Variants in ATP8B4 observed in about 807,000 individuals in gnomAD.
ATP8B4 encodes the protein probable phospholipid-transporting ATPase IM.
Under a neutral mutation model 145.6 loss-of-function variants are expected in ATP8B4, and 133 were observed. The ratio of observed to expected loss-of-function variants is 0.91; its 90% CI spans 0.79 to 1.05. The LOEUF is 1.05. Among genes scored for constraint, ATP8B4 ranks in the 50% least tolerant of loss-of-function variants. The pLI is 0.00. For synonymous variants in ATP8B4, 507 were observed against 492.9 expected, an observed-to-expected ratio of 1.03 and a Z score of -0.38; for missense variants, 1,458 against 1,425.2, an observed-to-expected ratio of 1.02 and a Z score of -0.37.
At chr15:50,112,531 C>T (rs907127576) in intron 1 of ATP8B4, among the ~76,000 whole-genome samples, 8 of 152,168 alleles carry the variant, frequency 5.3e-5, no homozygotes, top group East Asian at 3.9e-4. Flanking sequence ...TTCTCTGTTC[C>T]GTTCGGCTTG....
chr15:50,105,317 T>A (rs1239143710), intron 2 of ATP8B4, among the ~76,000 whole-genome samples: 1 of 149,538 alleles, frequency 6.7e-6, no homozygotes, highest in Non-Finnish European at 1.5e-5. Context: ...CGTGTTTGTA[T>A]AGAAAAAGAG....
intron 23 of ATP8B4, among the ~76,000 whole-genome samples, chr15:49,885,040 C>T (rs1056336317): frequency 6.6e-6 from 1 of 152,160 alleles, no homozygotes; most frequent in Non-Finnish European, 1.5e-5. Context: ...GGGTTAAAAC[C>T]CTCTAATGGT....
intron 3 of ATP8B4, among the ~76,000 whole-genome samples, chr15:50,070,662 C>T (rs1164324349): frequency 6.6e-6 from 1 of 152,146 alleles, no homozygotes; most frequent in Non-Finnish European, 1.5e-5. Flanking sequence ...TTTCTTTCTC[C>T]ACTTTTGCTG....
chr15:49,881,579 C>T (rs949933553), intron 23 of ATP8B4, among the ~76,000 whole-genome samples: 1 of 152,006 alleles, frequency 6.6e-6, no homozygotes, highest in Non-Finnish European at 1.5e-5. Context: ...GAACCTGCAG[C>T]AGCTACCTGA....
At chr15:50,055,735 T>C (rs780000664) in intron 3 of ATP8B4, among the ~76,000 whole-genome samples, 5 of 152,156 alleles carry the variant, frequency 3.3e-5, no homozygotes, top group Non-Finnish European at 5.9e-5. Flanking sequence ...AGATTATCTC[T>C]AAGCCATAAA....
At chr15:50,100,944 C>T (rs2056317323) in intron 2 of ATP8B4, among the ~76,000 whole-genome samples, 1 of 152,076 alleles carries the variant, frequency 6.6e-6, no homozygotes, top group Non-Finnish European at 1.5e-5. Flanking sequence ...CAATTATGTA[C>T]ACAGTATTTG....
chr15:50,025,723 T>C (rs1446782461), intron 6 of ATP8B4, among the ~76,000 whole-genome samples: 1 of 152,242 alleles, frequency 6.6e-6, no homozygotes, highest in Middle Eastern at 3.2e-3. Context: ...AGCATGGCTA[T>C]TTTATTATCT....
At chr15:49,963,947 C>T (rs1174157788) in intron 13 of ATP8B4, among the ~76,000 whole-genome samples, 1 of 152,086 alleles carries the variant, frequency 6.6e-6, no homozygotes, top group Non-Finnish European at 1.5e-5. Context: ...GTGCCAGGCT[C>T]TTAAATTATC....
chr15:49,945,194 A>G (rs1194419310), intron 14 of ATP8B4, among the ~76,000 whole-genome samples: 1 of 152,152 alleles, frequency 6.6e-6, no homozygotes, highest in Non-Finnish European at 1.5e-5. Flanking sequence ...AAAAAACATG[A>G]TGACAGAAAT....
intron 1 of ATP8B4, among the ~76,000 whole-genome samples, chr15:50,155,339 A>G (rs1323214750): frequency 6.6e-6 from 1 of 152,152 alleles, no homozygotes; most frequent in Admixed American, 6.5e-5. Context: ...TTCTAAAACT[A>G]TAAAGTTATA....
chr15:49,924,160 T>C (rs1251675862), intron 16 of ATP8B4, among the ~76,000 whole-genome samples: 1 of 152,116 alleles, frequency 6.6e-6, no homozygotes, highest in Non-Finnish European at 1.5e-5. Context: ...GGTTTGAGAC[T>C]GACAGCCCTT....
chr15:49,934,564 T>C (rs1044941839), intron 14 of ATP8B4, among the ~76,000 whole-genome samples: 5 of 152,094 alleles, frequency 3.3e-5, no homozygotes, highest in African/African-American at 7.2e-5. Context: ...TGACCTGGAA[T>C]GTTATGTATT....
At chr15:50,129,465 C>G (rs6493404) in intron 1 of ATP8B4, among the ~76,000 whole-genome samples, 150,448 of 152,284 alleles carry the variant, frequency 0.99, 74,340 homozygotes, top group East Asian at 1. Context: ...TCCACACTCT[C>G]CCTCTATCAA....
At chr15:49,983,705 C>T (rs530917676) in intron 10 of ATP8B4, among the ~76,000 whole-genome samples, 13 of 152,312 alleles carry the variant, frequency 8.5e-5, no homozygotes, top group African/African-American at 2.2e-4. Flanking sequence ...CTTACAATGG[C>T]GTCCCTAAGC....
At position 49,996,321 on chromosome 15, in the gene ATP8B4, T is replaced by C. The variant is rs565406479; in HGVS notation, c.589+356A>G. Among the ~76,000 whole-genome samples the C allele has an allele frequency of 2.6e-5, 4 of 152,172 alleles. No homozygotes were observed. In the South Asian group the frequency reaches 6.2e-4, roughly 24 times the overall value. On this transcript the variant is annotated intron_variant, in intron 9 of 27. Coordinates refer to ENST00000284509, the MANE Select transcript of ATP8B4 (RefSeq NM_024837.4). ...CTTTGTTATGGAGCCAGGAAATGGATGGGTGGTTAGACCTAGAACTAGAAA... is the reference window on the plus strand; with the variant it reads ...CTTTGTTATGGAGCCAGGAAATGGACGGGTGGTTAGACCTAGAACTAGAAA...
chr15:50,051,775 A>C (rs1287955115), intron 3 of ATP8B4, among the ~76,000 whole-genome samples: 9 of 152,228 alleles, frequency 5.9e-5, no homozygotes, highest in Non-Finnish European at 8.8e-5. Context: ...GGACATATGC[A>C]ATGTCTATAA....
chr15:50,071,032 T>G (rs2053698270), intron 3 of ATP8B4, among the ~76,000 whole-genome samples: 1 of 152,194 alleles, frequency 6.6e-6, no homozygotes, highest in African/African-American at 2.4e-5. Context: ...TGAATCACCA[T>G]GCCCAGCCCA....
intron 6 of ATP8B4, among the ~76,000 whole-genome samples, chr15:50,017,991 C>CT (rs35825862): frequency 0.62 from 86,505 of 140,048 alleles, 27,640 homozygotes; most frequent in East Asian, 0.94. Flanking sequence ...CTTTTTTTTT[C>CT]TTTTTTTTTT....
rs747990696 is a variant in ATP8B4, at chr15:49,898,026, C to G, written c.2473+42G>C. On this transcript the variant is annotated intron_variant, in intron 22 of 27. Coordinates refer to ENST00000284509, the MANE Select transcript of ATP8B4 (RefSeq NM_024837.4). ...ATTGCCAAATGCTGAAACTGAGGACCCCATGTATGCAGCATACCCCATTGA... is the reference window on the plus strand; with the variant it reads ...ATTGCCAAATGCTGAAACTGAGGACGCCATGTATGCAGCATACCCCATTGA... 5.0e-6 allele frequency: 8 copies of G among 1,598,542 alleles called. No individual in the cohort carries two copies. The Admixed American group carries it at 6.7e-5, about 13-fold the overall frequency.
Sources: allele counts gnomAD v4.1 joint callset (sites outside exome capture counted in the v4.1 genomes callset), GRCh38; gene constraint gnomAD v4.1.1; transcripts MANE v1.5; gene names NCBI Gene and HGNC (gene_info 2026-07-23, HGNC 2026-07-21).